The following RALGAPA2 variants were observed in gnomAD, a reference collection of about 807,000 sequenced individuals.
The protein encoded by RALGAPA2 is Ral GTPase activating protein catalytic subunit alpha 2, also known as ral GTPase-activating protein subunit alpha-2.
A neutral mutation model predicts 230.4 loss-of-function variants in RALGAPA2; 139 were observed. The observed-to-expected ratio is 0.60, with a 90% CI of 0.53 to 0.69. The LOEUF (loss-of-function observed/expected upper bound fraction) is 0.69. RALGAPA2 is among the 30% of genes least tolerant of loss of function. The pLI is 0.00. For missense variants in RALGAPA2, 2,163 were observed against 2,276.0 expected (o/e 0.95, Z 1.01); for synonymous variants, 847 against 837.8 (o/e 1.01, Z -0.19).
rs573405039 is a variant in RALGAPA2, at chr20:20,572,747, T to C, written c.2901+128A>G. On this transcript the variant is annotated intron_variant, in intron 21 of 39. Transcript: ENST00000202677. ...ATATGATTATTCTTTGATAATCAAATGGACTTTGTCTAAATGTACCATTTG... is the reference window on the plus strand; with the variant it reads ...ATATGATTATTCTTTGATAATCAAACGGACTTTGTCTAAATGTACCATTTG... The C allele has an allele frequency of 1.1e-5, 9 of 793,486 alleles. No individual in the cohort carries two copies. The African/African-American group carries it at 1.6e-4, about 14-fold the overall frequency. 49.2% of individuals were successfully genotyped at this position (793,486 alleles called of 1,614,324 possible). A position where few individuals can be genotyped will look rare whatever the true frequency, so the allele number is the denominator to read the frequency against.
intron 1 of RALGAPA2, among the ~76,000 whole-genome samples, chr20:20,691,453 G>C (rs900390963): frequency 6.6e-6 from 1 of 151,866 alleles, no homozygotes; most frequent in African/African-American, 2.4e-5. Context: ...GGGATACAAA[G>C]GATTTTTTAC....
At chr20:20,479,160 A>C (rs1267423921) in intron 36 of RALGAPA2, among the ~76,000 whole-genome samples, 1 of 152,364 alleles carries the variant, frequency 6.6e-6, no homozygotes, top group South Asian at 2.1e-4. Flanking sequence ...CATTCTAACA[A>C]GGAAAAGCCA....
At chr20:20,655,856 A>G (rs1382364883) in intron 3 of RALGAPA2, among the ~76,000 whole-genome samples, 2 of 152,238 alleles carry the variant, frequency 1.3e-5, no homozygotes, top group Non-Finnish European at 2.9e-5. Flanking sequence ...GAGGGGCTGT[A>G]GTAAATGGAG....
At position 20,601,684 on chromosome 20, in the gene RALGAPA2, G is replaced by A. The variant is rs780191136; in HGVS notation, c.2201C>T (p.Thr734Ile). ...GAAGCATTTAAATAAATGTTTACCAGTTGCTTTTTGGCGAACAATATTTCT... is the reference window on the plus strand; with the variant it reads ...GAAGCATTTAAATAAATGTTTACCAATTGCTTTTTGGCGAACAATATTTCT... ...KARNIVRQKA[T>I]EVEECQQSEN... The change falls in exon 16 of 40, where the codon ACT (threonine) becomes ATT (isoleucine). Residue 734 changes from threonine (T) to isoleucine (I), a missense_variant and splice_region_variant. By Grantham distance (89) the Thr-to-Ile change is moderately conservative (BLOSUM62 -1). Transcript: ENST00000202677. The A allele has an allele frequency of 3.7e-6, 6 of 1,609,870 alleles. No homozygotes were observed. The Middle Eastern group carries it at 5.0e-4, about 134-fold the overall frequency.
At chr20:20,697,076 C>T (rs1251038503) in intron 1 of RALGAPA2, among the ~76,000 whole-genome samples, 1 of 152,088 alleles carries the variant, frequency 6.6e-6, no homozygotes, top group Non-Finnish European at 1.5e-5. Flanking sequence ...ATGAAAGTCC[C>T]ATAAGTGCTA....
chr20:20,704,757 C>T (rs2069527500), intron 1 of RALGAPA2, among the ~76,000 whole-genome samples: 1 of 152,204 alleles, frequency 6.6e-6, no homozygotes, highest in Non-Finnish European at 1.5e-5. Context: ...TAGGATGTGG[C>T]TCCTCTTCTG....
Position 20,513,284 on chromosome 20 carries a change from T to C in RALGAPA2, c.4085A>G (p.Glu1362Gly). Residue 1362 changes from glutamate to glycine, a missense_variant and splice_region_variant, in exon 32 of 40, where the codon GAG (glutamate) becomes GGG (glycine). Transcript: ENST00000202677. ...CAACTCCAAACTTCTTCTCTTCTTC[T>C]CTGTAAACAGCGGTAAAGAAACATA... ...ELGNLLTVEE[E>G]KKRRSLELIP... is the part of the protein sequence containing the mutation. The C allele has an allele frequency of 2.1e-6, 3 of 1,455,208 alleles. No individual in the cohort carries two copies. Among genetic ancestry groups the C allele is most frequent in the Non-Finnish European group, 2.7e-6 (3 of 1,103,834 alleles). 90.1% of individuals were successfully genotyped at this position (1,455,208 alleles called of 1,614,324 possible). A position where few individuals can be genotyped will look rare whatever the true frequency, so the allele number is the denominator to read the frequency against.
At chr20:20,703,743 T>A (rs1248575353) in intron 1 of RALGAPA2, among the ~76,000 whole-genome samples, 1 of 152,158 alleles carries the variant, frequency 6.6e-6, no homozygotes, top group Non-Finnish European at 1.5e-5. Flanking sequence ...TCTGGAGTCA[T>A]ACCCAGCAGG....
At chr20:20,506,347 T>A (rs1376459475) in intron 33 of RALGAPA2, among the ~76,000 whole-genome samples, 1 of 152,192 alleles carries the variant, frequency 6.6e-6, no homozygotes, top group Non-Finnish European at 1.5e-5. Context: ...AAGTCTCTGT[T>A]ACACTGAGCA....
chr20:20,431,384 G>A (rs1378669762), intron 37 of RALGAPA2, among the ~76,000 whole-genome samples: 1 of 152,200 alleles, frequency 6.6e-6, no homozygotes, highest in Non-Finnish European at 1.5e-5. Flanking sequence ...CCACAGCACA[G>A]AGATCTGTAC....
intron 15 of RALGAPA2, among the ~76,000 whole-genome samples, chr20:20,602,318 T>C (rs1452983255): frequency 6.6e-6 from 1 of 152,188 alleles, no homozygotes; most frequent in Non-Finnish European, 1.5e-5. Flanking sequence ...GTGGATTCAG[T>C]CAAATGGGCA....
chr20:20,567,477 A>C (rs1025021298), intron 23 of RALGAPA2, among the ~76,000 whole-genome samples: 6 of 152,166 alleles, frequency 3.9e-5, no homozygotes, highest in Non-Finnish European at 5.9e-5. Flanking sequence ...AATAAGGAGG[A>C]TTCTGAAGTG....
chr20:20,681,664 G>A (rs539830640), intron 1 of RALGAPA2, among the ~76,000 whole-genome samples: 12 of 152,260 alleles, frequency 7.9e-5, no homozygotes, highest in South Asian at 4.1e-4. Flanking sequence ...TGGCACTTTG[G>A]GAGAATACAC....
chr20:20,490,261 T>C (rs566985909), intron 36 of RALGAPA2, among the ~76,000 whole-genome samples: 5 of 152,180 alleles, frequency 3.3e-5, no homozygotes, highest in Non-Finnish European at 7.4e-5. Context: ...GAAGTGGCAA[T>C]GAATTAGAGA....
intron 21 of RALGAPA2, 75 bp downstream of exon 21, chr20:20,572,800 T>G (rs2064688282): frequency 2.4e-6 from 3 of 1,274,168 alleles, no homozygotes; most frequent in South Asian, 3.6e-5. Context: ...AGTAGTTAAC[T>G]GAAACACAGT....
chr20:20,645,901 T>C (rs1184974258), intron 4 of RALGAPA2, among the ~76,000 whole-genome samples: 2 of 152,016 alleles, frequency 1.3e-5, no homozygotes, highest in African/African-American at 4.8e-5. Context: ...GGTAAGCACA[T>C]TTTCCACACA....
chr20:20,425,924 C>T (rs2060373684), intron 37 of RALGAPA2, among the ~76,000 whole-genome samples: 1 of 152,214 alleles, frequency 6.6e-6, no homozygotes, highest in Non-Finnish European at 1.5e-5. Context: ...TGTGATGCAA[C>T]TGGCTCACTT....
chr20:20,501,365 G>A (rs1303136462), intron 35 of RALGAPA2, among the ~76,000 whole-genome samples: 1 of 152,236 alleles, frequency 6.6e-6, no homozygotes, highest in Non-Finnish European at 1.5e-5. Context: ...GCTTCTGCAT[G>A]AGCACTTAAT....
chr20:20,712,415 C>T lies in RALGAPA2; in HGVS notation c.66G>A (p.Lys22=), dbSNP rs1236649645. 2 of 1,554,130 alleles carry T rather than the reference C, an allele frequency of 1.3e-6. No individual in the cohort carries two copies. The highest frequency in any genetic ancestry group is 3.9e-5 in the Admixed American group (2 of 51,520). Residue 22 remains lysine, a synonymous_variant, in exon 1 of 40, where the codon AAG becomes AAA. Coordinates refer to ENST00000202677, the MANE Select transcript of RALGAPA2 (RefSeq NM_020343.4). The surrounding 1 kb of genome is among the most constrained non-coding windows in gnomAD (Gnocchi z 5.5). ...GGTGCTTCAGGCGGGTCAGCACGTC[C>T]TTCTTCGGGTCCAGCACCTTCTGGG... The part of the protein sequence containing the change: ...KSTQKVLDPK[K]DVLTRLKHLR...
Sources: gnomAD v4.1 joint callset for allele counts (sites outside exome capture counted in the v4.1 genomes callset) on GRCh38, gnomAD v4.1.1 for gene constraint, Gnocchi (gnomAD v3.1) non-coding constraint, MANE v1.5 for transcripts, NCBI Gene and HGNC (gene_info 2026-07-23, HGNC 2026-07-21) for gene names.